The following EPHB1 variants were observed in gnomAD, a reference collection of about 807,000 sequenced individuals.
The protein encoded by EPHB1 is EPH receptor B1.
EPHB1 carries 30 observed loss-of-function variants against 94.4 expected under a neutral mutation model. The ratio of observed to expected loss-of-function variants is 0.32; its 90% CI spans 0.24 to 0.43. The LOEUF (loss-of-function observed/expected upper bound fraction) is 0.43. Ranked by LOEUF, EPHB1 falls within the 20% of genes least tolerant of loss-of-function variation. EPHB1 has a pLI of 1.00. For missense variants in EPHB1, 1,055 were observed against 1,308.3 expected (o/e 0.81, Z 2.99); for synonymous variants, 522 against 489.1 (o/e 1.07, Z -0.89).
At chr3:135,167,336 A>AGG (rs202148441) in intron 9 of EPHB1, among the ~76,000 whole-genome samples, 2,293 of 152,352 alleles carry the variant, frequency 0.015, 29 homozygotes, top group Middle Eastern at 0.027. Flanking sequence ...GAAAAGATGG[A>AGG]GTTCTCTATT....
intron 12 of EPHB1, among the ~76,000 whole-genome samples, chr3:135,202,669 A>C (rs1015330557): frequency 1.3e-5 from 2 of 152,224 alleles, no homozygotes; most frequent in Non-Finnish European, 2.9e-5. Context: ...CAATGCAGAG[A>C]AGTAAAAGGA....
chr3:135,005,956 T>C (rs1400468396), intron 3 of EPHB1, among the ~76,000 whole-genome samples: 1 of 152,212 alleles, frequency 6.6e-6, no homozygotes, highest in African/African-American at 2.4e-5. Flanking sequence ...ACCGGAGCTG[T>C]TCCTATTCGG....
intron 5 of EPHB1, among the ~76,000 whole-genome samples, chr3:135,144,294 T>A (rs1940935788): frequency 6.6e-6 from 1 of 152,222 alleles, no homozygotes; most frequent in Non-Finnish European, 1.5e-5. Flanking sequence ...TGGCCTCAGA[T>A]GCCCTGTCAA....
intron 1 of EPHB1, among the ~76,000 whole-genome samples, chr3:134,922,905 A>AGGCCCCTGTTTC (rs2038716786): frequency 6.6e-6 from 1 of 152,230 alleles, no homozygotes; most frequent in Non-Finnish European, 1.5e-5. Context: ...ACTCCGCCAC[A>AGGCCCCTGTTTC]AGGATTCAGT....
At chr3:134,882,757 CCTTCCTTCCTTTCTTT>C (rs1253153211) in intron 1 of EPHB1, among the ~76,000 whole-genome samples, 16 of 15,306 alleles carry the variant, frequency 1.0e-3, no homozygotes, top group African/African-American at 1.7e-3. Flanking sequence ...TTCCTTTCTT[CCTTCCTTCCTTTCTTT>C]CTTTCTTTCT....
At chr3:134,843,644 T>C (rs926125195) in intron 1 of EPHB1, among the ~76,000 whole-genome samples, 6 of 152,182 alleles carry the variant, frequency 3.9e-5, no homozygotes, top group African/African-American at 1.4e-4. Context: ...ATTTTTTTTC[T>C]CTTCAATCTT....
intron 11 of EPHB1, among the ~76,000 whole-genome samples, chr3:135,196,925 A>C (rs1036104151): frequency 1.4e-4 from 21 of 152,048 alleles, no homozygotes; most frequent in African/African-American, 4.8e-4. Context: ...TTGATACTCA[A>C]ATTCAAGGGA....
intron 10 of EPHB1, among the ~76,000 whole-genome samples, chr3:135,183,575 A>G (rs963710837): frequency 2.0e-5 from 3 of 152,190 alleles, no homozygotes; most frequent in Non-Finnish European, 4.4e-5. Flanking sequence ...CACACATTCA[A>G]TGCCACTCAG....
intron 3 of EPHB1, among the ~76,000 whole-genome samples, chr3:134,961,574 G>A (rs1278151637): frequency 6.6e-6 from 1 of 152,138 alleles, no homozygotes; most frequent in East Asian, 1.9e-4. Context: ...CTCTCTCATT[G>A]TCAGTTTCTA....
intron 1 of EPHB1, among the ~76,000 whole-genome samples, chr3:134,845,569 C>G (rs2036856572): frequency 6.6e-6 from 1 of 152,096 alleles, no homozygotes; most frequent in Admixed American, 6.5e-5. Flanking sequence ...GTCCATGCCT[C>G]TTTGCCGTGG....
intron 3 of EPHB1, among the ~76,000 whole-genome samples, chr3:135,009,581 G>C (rs1935549420): frequency 6.6e-6 from 1 of 152,222 alleles, no homozygotes. Flanking sequence ...CTGAGCCTGA[G>C]GGCCCCCAGG....
At chr3:134,870,569 G>A (rs115873098) in intron 1 of EPHB1, among the ~76,000 whole-genome samples, 3,097 of 152,310 alleles carry the variant, frequency 0.02, 48 homozygotes, top group African/African-American at 0.043. Flanking sequence ...GTGCTGGACC[G>A]TGGACACAGA....
At chr3:135,258,949 T>G in intron 15 of EPHB1, 63 bp from the exon 16 acceptor site, 1 of 1,325,154 alleles carries the variant, frequency 7.5e-7, no homozygotes, top group Non-Finnish European at 1.1e-6. Flanking sequence ...TAGTGATGAG[T>G]TTTGATCTGC....
chr3:135,123,645 CTG>C (rs1940074217), intron 4 of EPHB1, among the ~76,000 whole-genome samples: 1 of 152,168 alleles, frequency 6.6e-6, no homozygotes. Context: ...CCGCTAGTGA[CTG>C]TGTGACCACA....
At chr3:134,798,541 A>T (rs2108281426) in intron 1 of EPHB1, among the ~76,000 whole-genome samples, 1 of 152,306 alleles carries the variant, frequency 6.6e-6, no homozygotes, top group Non-Finnish European at 1.5e-5. Flanking sequence ...TGCCACTACA[A>T]GGAAAAGATC....
rs1415841767 is a variant in EPHB1 at position 134,951,878 on chromosome 3, A to T, written c.631A>T (p.Thr211Ser). The stretch of plus-strand genomic sequence containing the variant: ...TTTTGCAGTGTTTCCAGAGACTATG[A>T]CAGGGGCAGAGAGCACATCTCTGGT... ...QNFAVFPETM[T>S]GAESTSLVIA... Residue 211 changes from threonine (T) to serine (S), a missense_variant, in exon 3 of 16, where the codon ACA (threonine) becomes TCA (serine). Thr to Ser is a moderately conservative substitution (Grantham distance 58). Transcript: ENST00000398015. This position sits in a 1 kb window ranked among gnomAD's most constrained non-coding sequence, Gnocchi z 4.5. 6.2e-6 allele frequency: 10 copies of T among 1,613,898 alleles called. No homozygotes were observed. The highest frequency in any genetic ancestry group is 8.5e-6 in the Non-Finnish European group (10 of 1,179,896).
intron 3 of EPHB1, among the ~76,000 whole-genome samples, chr3:135,007,873 G>C (rs1935479909): frequency 6.6e-6 from 1 of 152,188 alleles, no homozygotes; most frequent in Non-Finnish European, 1.5e-5. Flanking sequence ...GATCAGGTCA[G>C]GACGAAGGGC....
At chr3:134,823,991 G>A (rs2036428307) in intron 1 of EPHB1, 1 of 152,138 alleles carries the variant, frequency 6.6e-6, no homozygotes, top group African/African-American at 2.4e-5. Context: ...TGCACAAAGG[G>A]AAGCACACTG....
At chr3:134,795,896 C>G (rs1056806329) in intron 1 of EPHB1, among the ~76,000 whole-genome samples, 1 of 152,186 alleles carries the variant, frequency 6.6e-6, no homozygotes, top group African/African-American at 2.4e-5. Flanking sequence ...TCTTAGCGCC[C>G]GAAACTGGCT....
Sources: gnomAD v4.1 joint callset for allele counts (sites outside exome capture counted in the v4.1 genomes callset) on GRCh38, gnomAD v4.1.1 for gene constraint, Gnocchi (gnomAD v3.1) non-coding constraint, MANE v1.5 for transcripts, NCBI Gene and HGNC (gene_info 2026-07-23, HGNC 2026-07-21) for gene names.